PFKFB4: variants seen among roughly 807,000 people sequenced by gnomAD.
PFKFB4 encodes 6-phosphofructo-2-kinase/fructose-2,6-bisphosphatase 4.
PFKFB4 carries 42 observed loss-of-function variants against 62.8 expected under a neutral mutation model. That is an observed-to-expected ratio of 0.67 (90% CI 0.52 to 0.86). The LOEUF is 0.86. PFKFB4 is among the 40% of genes least tolerant of loss of function. PFKFB4 has a pLI of 0.00. For synonymous variants in PFKFB4, 204 were observed against 240.7 expected, an observed-to-expected ratio of 0.85 and a Z score of 1.41; for missense variants, 475 against 627.2, an observed-to-expected ratio of 0.76 and a Z score of 2.59.
At chr3:48,548,100 C>G (rs1389118678) in intron 3 of PFKFB4, 1 of 152,196 alleles carries the variant, frequency 6.6e-6, no homozygotes, top group African/African-American at 2.4e-5. Context: ...CTCTCTGAGT[C>G]TAGGTCTCTT....
chr3:48,562,995 C>T (rs145141083), upstream of PFKFB4: 13 of 1,608,730 alleles, frequency 8.1e-6, no homozygotes, highest in African/African-American at 1.6e-4. This position sits in a 1 kb window ranked among gnomAD's most constrained non-coding sequence, Gnocchi z 4.3. Context: ...CTCTCTGAGG[C>T]CGCAGGTCGG....
chr3:48,550,057 T>C, intron 2 of PFKFB4, 61 bp downstream of exon 2: 1 of 1,423,310 alleles, frequency 7.0e-7, no homozygotes, highest in Non-Finnish European at 9.9e-7. Context: ...GAATAGGCCT[T>C]CTCTATTCTC....
At chr3:48,558,166 A>G (rs1002678322), upstream of PFKFB4, among the ~76,000 whole-genome samples, 3 of 152,040 alleles carry the variant, frequency 2.0e-5, no homozygotes, top group African/African-American at 7.3e-5. Flanking sequence ...GGGGACAAGG[A>G]ACAAGGGAGA....
At position 48,533,111 on chromosome 3, in the gene PFKFB4, G is replaced by T. The variant is rs2042479223; in HGVS notation, c.987+2401C>A. Among the ~76,000 whole-genome samples the T allele has an allele frequency of 2.0e-5, 3 of 152,076 alleles. No homozygotes were observed. The South Asian group carries it at 6.2e-4, about 32-fold the overall frequency. On this transcript the variant is annotated intron_variant, in intron 9 of 13. Transcript: ENST00000232375. ...TGGAGTGCAAGGGCCAATCGTGAAT[G>T]AAATCATAGCACACCACAGCCTCAA...
intron 9 of PFKFB4, among the ~76,000 whole-genome samples, chr3:48,531,259 G>A (rs2042416926): frequency 6.6e-6 from 1 of 151,054 alleles, no homozygotes; most frequent in African/African-American, 2.4e-5. Flanking sequence ...CCAGCAATTT[G>A]GGAGGCCGAG....
chr3:48,562,824 TG>T, upstream of PFKFB4: 1 of 1,573,618 alleles, frequency 6.4e-7, no homozygotes, highest in South Asian at 1.2e-5. This position sits in a 1 kb window ranked among gnomAD's most constrained non-coding sequence, Gnocchi z 4.3. Flanking sequence ...CGGGCGTTGG[TG>T]GTGGCCTGCT....
intron 1 of PFKFB4, among the ~76,000 whole-genome samples, chr3:48,554,245 A>G (rs551190489): frequency 6.6e-6 from 1 of 152,348 alleles, no homozygotes; most frequent in South Asian, 2.1e-4. Context: ...CTCCGGGTCC[A>G]GACTGTCCTT....
In PFKFB4 at chr3:48,536,259, C is replaced by T. The variant is rs1300230399; in HGVS notation, c.837G>A (p.Arg279=). The T allele has an allele frequency of 2.5e-6, 4 of 1,613,054 alleles. No individual in the cohort carries two copies. The highest frequency in any genetic ancestry group is 2.7e-5 in the African/African-American group (2 of 74,926). ...ACGCAGGGACACATGCACTGACCTCCCTGCCCCGAGGGGACAGTCCTGGGT... is the reference window on the plus strand; with the variant it reads ...ACGCAGGGACACATGCACTGACCTCTCTGCCCCGAGGGGACAGTCCTGGGT... The part of the protein sequence containing the change: ...GGDPGLSPRG[R]EFAKSLAQFI... Residue 279 remains arginine (R), a synonymous_variant, in exon 8 of 14, where the codon AGG becomes AGA. Transcript: ENST00000232375.
At chr3:48,543,882 T>C (rs1327811077) in intron 3 of PFKFB4, among the ~76,000 whole-genome samples, 1 of 152,212 alleles carries the variant, frequency 6.6e-6, no homozygotes, top group Non-Finnish European at 1.5e-5. Flanking sequence ...TTTTAAGCAC[T>C]ACGTTTCTGT....
chr3:48,560,138 C>G (rs1055801725), upstream of PFKFB4, among the ~76,000 whole-genome samples: 1 of 152,168 alleles, frequency 6.6e-6, no homozygotes, highest in African/African-American at 2.4e-5. Context: ...CAGTGCATGC[C>G]ACACAGGCCC....
chr3:48,539,516 C>G, intron 5 of PFKFB4, 181 bp downstream of exon 5: 1 of 696,518 alleles, frequency 1.4e-6, no homozygotes. Context: ...GACTCTCCCA[C>G]GAAAACCCCC....
upstream of PFKFB4, chr3:48,562,688 T>C: frequency 8.3e-7 from 1 of 1,206,774 alleles, no homozygotes; most frequent in Non-Finnish European, 1.1e-6. The surrounding 1 kb of genome is among the most constrained non-coding windows in gnomAD (Gnocchi z 4.3). Flanking sequence ...GTCCAGACAC[T>C]GTATGCCCAG....
intron 1 of PFKFB4, among the ~76,000 whole-genome samples, chr3:48,551,654 C>T (rs1274392150): frequency 6.8e-6 from 1 of 146,670 alleles, no homozygotes; most frequent in Non-Finnish European, 1.5e-5. Flanking sequence ...AAGCAATTCT[C>T]GTGCCTCAGC....
At chr3:48,539,122 T>A (rs1421472400) in intron 6 of PFKFB4, 132 bp downstream of exon 6, 1 of 743,260 alleles carries the variant, frequency 1.3e-6, no homozygotes, top group Admixed American at 2.0e-5. Context: ...GAGGCATACC[T>A]GACCCAGCAT....
At chr3:48,529,186 C>T (rs142826610) in intron 9 of PFKFB4, among the ~76,000 whole-genome samples, 168 of 152,006 alleles carry the variant, frequency 1.1e-3, no homozygotes, top group Admixed American at 2.9e-3. Context: ...TACAGGTGTG[C>T]GCCACCACAA....
chr3:48,533,786 G>A (rs1231522591), intron 9 of PFKFB4, among the ~76,000 whole-genome samples: 5 of 152,190 alleles, frequency 3.3e-5, no homozygotes, highest in African/African-American at 7.2e-5. Flanking sequence ...CCCGGGAGAC[G>A]AAGGTGGCAG....
intron 13 of PFKFB4, among the ~76,000 whole-genome samples, chr3:48,520,614 G>T (rs2042068321): frequency 6.6e-6 from 1 of 152,228 alleles, no homozygotes; most frequent in African/African-American, 2.4e-5. Flanking sequence ...ACCGGCCCCT[G>T]GAATTGTAGG....
intron 1 of PFKFB4, among the ~76,000 whole-genome samples, chr3:48,554,000 A>G (rs1165041021): frequency 6.6e-6 from 1 of 152,158 alleles, no homozygotes; most frequent in Non-Finnish European, 1.5e-5. Flanking sequence ...ATGATGGGAA[A>G]GGTAAAAGCC....
At chr3:48,519,915 G>T in intron 13 of PFKFB4, 109 bp from the exon 14 acceptor site, 1 of 820,764 alleles carries the variant, frequency 1.2e-6, no homozygotes, top group Non-Finnish European at 2.0e-6. Flanking sequence ...TCTCACTGTA[G>T]CAGCCACAGC....
Sources: allele counts gnomAD v4.1 joint callset (sites outside exome capture counted in the v4.1 genomes callset), GRCh38; gene constraint gnomAD v4.1.1; non-coding constraint Gnocchi (gnomAD v3.1); transcripts MANE v1.5; gene names NCBI Gene and HGNC (gene_info 2026-07-23, HGNC 2026-07-21).